The following OLFM1 variants were observed in gnomAD, a reference collection of about 807,000 sequenced individuals.
The protein encoded by OLFM1 is noelin.
Under a neutral mutation model 49.7 loss-of-function variants are expected in OLFM1, and 9 were observed. The observed-to-expected ratio is 0.18, with a 90% confidence interval of 0.11 to 0.32. OLFM1 has a LOEUF of 0.32. OLFM1 is among the 10% of genes least tolerant of loss of function. The pLI is 1.00. For synonymous variants in OLFM1, 240 were observed against 271.8 expected, an observed-to-expected ratio of 0.88 and a Z score of 1.15; for missense variants, 369 against 661.8, an observed-to-expected ratio of 0.56 and a Z score of 4.85.
chr9:135,110,084 C>A (rs370476488), intron 5 of OLFM1, among the ~76,000 whole-genome samples: 20 of 152,212 alleles, frequency 1.3e-4, no homozygotes, highest in Admixed American at 1.3e-3. Flanking sequence ...GCCCCACAGC[C>A]CCTCCTTTCC....
upstream of OLFM1, chr9:135,086,412 T>G (rs1830596823): frequency 2.8e-6 from 1 of 360,228 alleles, no homozygotes; most frequent in Non-Finnish European, 5.5e-6. Flanking sequence ...AGCCGAGGAC[T>G]GCGCACACAG....
Position 135,117,441 on chromosome 9 carries a change from T to G in OLFM1, c.784-2063T>G, listed in dbSNP as rs1243491295. Among the ~76,000 whole-genome samples the G allele has an allele frequency of 6.6e-6, 1 of 152,182 alleles. No homozygotes were observed. Among genetic ancestry groups the G allele is most frequent in the Non-Finnish European group, 1.5e-5 (1 of 68,032 alleles). On this transcript the variant is annotated intron_variant, in intron 5 of 5. Coordinates refer to ENST00000371793, the MANE Select transcript of OLFM1 (RefSeq NM_001282611.2). The surrounding 1 kb of genome is among the most constrained non-coding windows in gnomAD (Gnocchi z 5.5). ...ACTCAGTCCGTGCCGCAGCGATGGC[T>G]TGGTGGGAGGAGAGGCCTTGAGCGT...
intron 2 of OLFM1, among the ~76,000 whole-genome samples, chr9:135,093,743 C>G (rs1830746311): frequency 6.6e-6 from 1 of 152,126 alleles, no homozygotes; most frequent in South Asian, 2.1e-4. Context: ...AAGGGCTGTG[C>G]TCAGAGGAAT....
At chr9:135,089,290 T>A (rs1040186289) in intron 1 of OLFM1, among the ~76,000 whole-genome samples, 19 of 152,176 alleles carry the variant, frequency 1.2e-4, no homozygotes, top group African/African-American at 4.3e-4. Flanking sequence ...CAACTTCTCC[T>A]CCCCATCTTC....
In OLFM1 at chr9:135,088,170, GCTCCTC is replaced by G. The variant is rs760836918; in HGVS notation, c.150+48_150+53del. The G allele has an allele frequency of 1.8e-5, 23 of 1,298,056 alleles. No individual in the cohort carries two copies. The highest frequency in any genetic ancestry group is 7.4e-5 in the Admixed American group (2 of 27,152). 80.4% of individuals were successfully genotyped at this position (1,298,056 alleles called of 1,614,324 possible). A position where few individuals can be genotyped will look rare whatever the true frequency, so the allele number is the denominator to read the frequency against. On this transcript the variant is annotated intron_variant, in intron 1 of 5. Coordinates refer to ENST00000371793, the MANE Select transcript of OLFM1 (RefSeq NM_001282611.2). This position sits in a 1 kb window ranked among gnomAD's most constrained non-coding sequence, Gnocchi z 4.8. ...TGCGCCCGCCGGCCGCCTTGGCGCG[GCTCCTC>G]CTCCTCCTCCTCCTCCCCCTCCTCG...
chr9:135,090,118 GT>G, intron 1 of OLFM1, 76 bp from the exon 2 acceptor site: 1 of 1,361,494 alleles, frequency 7.3e-7, no homozygotes, highest in South Asian at 1.4e-5. Context: ...GTTTCCCCTG[GT>G]TGTTGGCTCT....
Position 135,119,695 on chromosome 9 carries a change from G to A in OLFM1, c.975G>A (p.Leu325=), listed in dbSNP as rs1029475081. 2 of 1,614,056 alleles carry A rather than the reference G, an allele frequency of 1.2e-6. No individual in the cohort carries two copies. Among genetic ancestry groups the A allele is most frequent in the African/African-American group, 2.7e-5 (2 of 74,932 alleles). ...FQSHIIIRFD[L]KTETILKTRS... ...GCCACATCATCATCAGGTTTGACCT[G>A]AAGACAGAGACCATCCTCAAGACCC... The change falls in exon 6 of 6, where the codon CTG becomes CTA. Residue 325 remains leucine (L), a synonymous_variant. Transcript: ENST00000371793.
chr9:135,085,921 C>T (rs1409629389), upstream of OLFM1, among the ~76,000 whole-genome samples: 2 of 152,346 alleles, frequency 1.3e-5, no homozygotes, highest in South Asian at 2.1e-4. Context: ...CGCTCAGGTG[C>T]AGGTTAGAGC....
intron 5 of OLFM1, among the ~76,000 whole-genome samples, chr9:135,108,659 G>A (rs544476634): frequency 7.9e-5 from 12 of 151,894 alleles, no homozygotes; most frequent in East Asian, 1.9e-4. Flanking sequence ...AAAAAACAGC[G>A]AGTGTGTCCT....
intron 5 of OLFM1, among the ~76,000 whole-genome samples, chr9:135,114,537 T>C (rs1831070190): frequency 6.6e-6 from 1 of 151,804 alleles, no homozygotes; most frequent in South Asian, 2.1e-4. Flanking sequence ...GACACCTGCC[T>C]GCCTGGGGGT....
chr9:135,091,209 G>T (rs755564914), intron 2 of OLFM1, among the ~76,000 whole-genome samples: 2 of 152,320 alleles, frequency 1.3e-5, no homozygotes, highest in East Asian at 3.9e-4. Flanking sequence ...CAGCCCACCA[G>T]CCTTTTGGCA....
chr9:135,108,843 G>A (rs145624943), intron 5 of OLFM1, among the ~76,000 whole-genome samples: 2 of 152,044 alleles, frequency 1.3e-5, no homozygotes, highest in African/African-American at 4.8e-5. Flanking sequence ...CTGTTCTCAC[G>A]CCCAGAGGCA....
chr9:135,087,549 G>A, upstream of OLFM1: 1 of 1,200,698 alleles, frequency 8.3e-7, no homozygotes, highest in Non-Finnish European at 1.1e-6. Flanking sequence ...CAGCCAGGGG[G>A]CGGCGGGGAG....
At chr9:135,100,751 G>T (rs1405168010) in intron 4 of OLFM1, among the ~76,000 whole-genome samples, 2 of 152,188 alleles carry the variant, frequency 1.3e-5, no homozygotes, top group Non-Finnish European at 2.9e-5. Flanking sequence ...ATGGTGCAGG[G>T]AGTCCCTGAG....
chr9:135,108,307 A>G (rs1830974382), intron 5 of OLFM1, among the ~76,000 whole-genome samples: 1 of 152,208 alleles, frequency 6.6e-6, no homozygotes, highest in African/African-American at 2.4e-5. Flanking sequence ...AATGATCATA[A>G]TACAGAAGAA....
At chr9:135,079,401 C>G (rs1830505640) in intron 1 of OLFM1, among the ~76,000 whole-genome samples, 1 of 152,020 alleles carries the variant, frequency 6.6e-6, no homozygotes, top group Admixed American at 6.6e-5. Context: ...GTCAGGAGTT[C>G]AAAACCAGCC....
At chr9:135,091,721 A>ACACAGTCACACTCACACATAGT (rs1830707650) in intron 2 of OLFM1, among the ~76,000 whole-genome samples, 9 of 150,312 alleles carry the variant, frequency 6.0e-5, no homozygotes, top group Non-Finnish European at 1.2e-4. Flanking sequence ...ACATAGTCAC[A>ACACAGTCACACTCACACATAGT]CACTCATAGT....
At position 135,076,565 on chromosome 9, in the gene OLFM1, C is replaced by T. The variant is rs1265243042; in HGVS notation, c.96+763C>T. 13 of 1,093,782 alleles carry T rather than the reference C, an allele frequency of 1.2e-5. No individual in the cohort carries two copies. In the Admixed American group the frequency reaches 2.0e-4, roughly 17 times the overall value. The allele number at this position is 1,093,782 out of a possible 1,614,324, so 67.8% of individuals were successfully genotyped here. ...GGGGAGGAGAAGGGCTGTCTGTGAGCGCCGAACTGGGAGGGTTGCTTTGGC... is the reference window on the plus strand; with the variant it reads ...GGGGAGGAGAAGGGCTGTCTGTGAGTGCCGAACTGGGAGGGTTGCTTTGGC... On this transcript the variant is annotated intron_variant, in intron 1 of 5. Coordinates refer to the OLFM1 transcript ENST00000252854.
At chr9:135,114,355 T>C (rs1389269955) in intron 5 of OLFM1, among the ~76,000 whole-genome samples, 2 of 152,000 alleles carry the variant, frequency 1.3e-5, no homozygotes, top group African/African-American at 4.8e-5. Context: ...GACCTCGTGA[T>C]CCGCCCACCT....
Sources: gnomAD v4.1 joint callset for allele counts (sites outside exome capture counted in the v4.1 genomes callset) on GRCh38, gnomAD v4.1.1 for gene constraint, Gnocchi (gnomAD v3.1) non-coding constraint, MANE v1.5 for transcripts, NCBI Gene and HGNC (gene_info 2026-07-23, HGNC 2026-07-21) for gene names.